Variants in FXYD6 observed in about 807,000 individuals in gnomAD.
FXYD6 encodes FXYD domain-containing ion transport regulator 6.
A neutral mutation model predicts 16.7 loss-of-function variants in FXYD6; 7 were observed. The ratio of observed to expected loss-of-function variants is 0.42; its 90% CI spans 0.24 to 0.79. FXYD6 has a LOEUF of 0.79. Among genes scored for constraint, FXYD6 ranks in the 30% least tolerant of loss-of-function variants. FXYD6 has a pLI of 0.28. For missense variants in FXYD6, 111 were observed against 116.2 expected (o/e 0.95, Z 0.21); for synonymous variants, 49 against 43.0 (o/e 1.14, Z -0.54).
At chr11:117,859,638 A>C (rs1002073861) in intron 1 of FXYD6, among the ~76,000 whole-genome samples, 10 of 152,182 alleles carry the variant, frequency 6.6e-5, no homozygotes, top group East Asian at 3.8e-4. Context: ...CTTTCATGAA[A>C]TCCAAGAACT....
intron 1 of FXYD6, among the ~76,000 whole-genome samples, chr11:117,845,367 T>G (rs991154916): frequency 6.6e-6 from 1 of 152,270 alleles, no homozygotes; most frequent in Non-Finnish European, 1.5e-5. Flanking sequence ...TGTATGGATA[T>G]TCACCTTGCT....
chr11:117,840,466 A>T, intron 5 of FXYD6, 98 bp from the exon 6 acceptor site: 1 of 1,544,064 alleles, frequency 6.5e-7, no homozygotes, highest in South Asian at 1.1e-5. Flanking sequence ...GCCTGCAGTC[A>T]GGCTCCTCCC....
At chr11:117,845,959 A>C (rs1023450132) in intron 1 of FXYD6, among the ~76,000 whole-genome samples, 1 of 152,196 alleles carries the variant, frequency 6.6e-6, no homozygotes, top group Non-Finnish European at 1.5e-5. Flanking sequence ...TGAGCCTAGG[A>C]CTGAAGTCAT....
At chr11:117,845,188 C>T (rs1478173584) in intron 1 of FXYD6, among the ~76,000 whole-genome samples, 1 of 152,230 alleles carries the variant, frequency 6.6e-6, no homozygotes, top group Non-Finnish European at 1.5e-5. Context: ...CATTCATCTA[C>T]TTTTTGTCTC....
chr11:117,877,033 C>G (rs970939076), upstream of FXYD6: 2 of 152,234 alleles, frequency 1.3e-5, no homozygotes, highest in African/African-American at 2.4e-5. Flanking sequence ...TTTTCGGTTT[C>G]CCTCTGGTTA....
At position 117,872,348 on chromosome 11, in the gene FXYD6, C is replaced by A. The variant is rs906349151; in HGVS notation, c.-6+4244G>T. On this transcript the variant is annotated intron_variant, in intron 1 of 7. Transcript: ENST00000526014. This position sits in a 1 kb window ranked among gnomAD's most constrained non-coding sequence, Gnocchi z 4.9. ...CTATGGAGGAAGAAAGTCGCAGGGCCTCCTGGTAGGATGTGGACATGAGGT... is the reference window on the plus strand; with the variant it reads ...CTATGGAGGAAGAAAGTCGCAGGGCATCCTGGTAGGATGTGGACATGAGGT... Among the ~76,000 whole-genome samples the A allele has an allele frequency of 3.3e-5, 5 of 152,198 alleles. No homozygotes were observed. The highest frequency in any genetic ancestry group is 1.2e-4 in the African/African-American group (5 of 41,528).
chr11:117,859,954 A>G (rs1004432600), intron 1 of FXYD6, among the ~76,000 whole-genome samples: 3 of 152,052 alleles, frequency 2.0e-5, no homozygotes, highest in Non-Finnish European at 4.4e-5. Context: ...GGAGAGGCCT[A>G]TTCTCATCAC....
At chr11:117,842,461 C>T (rs923036581) in intron 2 of FXYD6, among the ~76,000 whole-genome samples, 4 of 152,182 alleles carry the variant, frequency 2.6e-5, no homozygotes, top group Non-Finnish European at 5.9e-5. Context: ...CACAGAGGCG[C>T]AGTGAGCTTG....
At chr11:117,861,984 G>C (rs35268875) in intron 1 of FXYD6, among the ~76,000 whole-genome samples, 1 of 152,236 alleles carries the variant, frequency 6.6e-6, no homozygotes, top group Admixed American at 6.5e-5. Flanking sequence ...CATCTTCCCA[G>C]GCCCAAACTG....
At chr11:117,851,652 G>A (rs989657705) in intron 1 of FXYD6, among the ~76,000 whole-genome samples, 4 of 152,180 alleles carry the variant, frequency 2.6e-5, no homozygotes, top group African/African-American at 7.2e-5. Context: ...TTGAACGTTA[G>A]TCATCCTTCA....
At chr11:117,855,389 T>C (rs1024524900) in intron 1 of FXYD6, among the ~76,000 whole-genome samples, 3 of 152,158 alleles carry the variant, frequency 2.0e-5, no homozygotes, top group Admixed American at 2.0e-4. Context: ...ATCTCATCGG[T>C]GGTACGTTGG....
intron 1 of FXYD6, among the ~76,000 whole-genome samples, chr11:117,858,754 TTCCTTCCTTCCTTCCTTCCTTCC>T (rs2056830378): frequency 5.2e-5 from 7 of 135,552 alleles, no homozygotes; most frequent in African/African-American, 1.1e-4. Context: ...CCTTCCTTCC[TTCCTTCCTTCCTTCCTTCCTTCC>T]TTCTTTCTTT....
upstream of FXYD6, chr11:117,876,769 G>A (rs1046130551): frequency 1.3e-5 from 2 of 151,518 alleles, no homozygotes; most frequent in South Asian, 2.1e-4. Flanking sequence ...GGGGGGGCTC[G>A]CTCGGGGCTG....
chr11:117,840,607 G>A (rs2056316440), intron 5 of FXYD6, among the ~76,000 whole-genome samples: 1 of 152,170 alleles, frequency 6.6e-6, no homozygotes, highest in African/African-American at 2.4e-5. Context: ...GGAAGGGGAG[G>A]CTAGGGCCAC....
At chr11:117,866,955 T>C (rs910912466) in intron 1 of FXYD6, among the ~76,000 whole-genome samples, 8 of 152,184 alleles carry the variant, frequency 5.3e-5, no homozygotes, top group Admixed American at 5.2e-4. Flanking sequence ...CAAAAATGTA[T>C]CTGCCTCCAC....
chr11:117,845,131 A>T (rs537462542), intron 1 of FXYD6, among the ~76,000 whole-genome samples: 2 of 152,344 alleles, frequency 1.3e-5, no homozygotes, highest in Admixed American at 1.3e-4. Context: ...AGAAACTTGT[A>T]TCCATCGGCA....
intron 1 of FXYD6, among the ~76,000 whole-genome samples, chr11:117,867,726 C>T (rs2057040932): frequency 6.6e-6 from 1 of 152,182 alleles, no homozygotes. Context: ...ACATGTGTCT[C>T]TAACTGCGTG....
chr11:117,849,870 A>C (rs763857109), intron 1 of FXYD6, among the ~76,000 whole-genome samples: 4 of 151,960 alleles, frequency 2.6e-5, no homozygotes, highest in Non-Finnish European at 4.4e-5. Context: ...GTTTTTCAGG[A>C]ATTTGGGCTA....
intron 1 of FXYD6, among the ~76,000 whole-genome samples, chr11:117,864,827 C>T (rs1310192356): frequency 2.6e-5 from 4 of 152,134 alleles, no homozygotes; most frequent in Admixed American, 2.0e-4. Context: ...CCTCGTGATC[C>T]GCAGGCCTCG....
Sources: gnomAD v4.1 joint callset for allele counts (sites outside exome capture counted in the v4.1 genomes callset) on GRCh38, gnomAD v4.1.1 for gene constraint, Gnocchi (gnomAD v3.1) non-coding constraint, MANE v1.5 for transcripts, NCBI Gene and HGNC (gene_info 2026-07-23, HGNC 2026-07-21) for gene names.